Variants in PARD3B observed in about 807,000 individuals in gnomAD.
PARD3B encodes par-3 family cell polarity regulator beta, also known as partitioning defective 3 homolog B.
PARD3B carries 103 observed loss-of-function variants against 130.2 expected under a neutral mutation model. The ratio of observed to expected loss-of-function variants is 0.79; its 90% CI spans 0.67 to 0.93. PARD3B has a LOEUF of 0.93. PARD3B is among the 40% of genes least tolerant of loss of function. The pLI is 0.00. For synonymous variants in PARD3B, 583 were observed against 553.2 expected, an observed-to-expected ratio of 1.05 and a Z score of -0.76; for missense variants, 1,609 against 1,499.2, an observed-to-expected ratio of 1.07 and a Z score of -1.21.
chr2:205,127,762 A>G (rs998268569), intron 10 of PARD3B, among the ~76,000 whole-genome samples: 2 of 152,214 alleles, frequency 1.3e-5, no homozygotes, highest in African/African-American at 2.4e-5. Context: ...TCATGCAGAT[A>G]TAGTCCCCAT....
At chr2:205,389,234 C>T (rs1452231413) in intron 18 of PARD3B, among the ~76,000 whole-genome samples, 4 of 152,126 alleles carry the variant, frequency 2.6e-5, no homozygotes, top group Non-Finnish European at 5.9e-5. Context: ...TTAACTTTAA[C>T]ATCAAAATAT....
rs1055875420 is a variant in PARD3B at position 205,515,420 on chromosome 2, A to G, written c.3180+15389A>G. Among the ~76,000 whole-genome samples, 3 of 152,182 alleles carry G rather than the reference A, an allele frequency of 2.0e-5. No individual in the cohort carries two copies. In the East Asian group the frequency reaches 5.8e-4, roughly 29 times the overall value. The stretch of plus-strand genomic sequence containing the variant: ...TTTTAGCTTCTTGAGAAATCACCAT[A>G]CTGCTTTCCACAATGGTTGAACTAA... On this transcript the variant is annotated intron_variant, in intron 21 of 22. Coordinates refer to ENST00000406610, the MANE Select transcript of PARD3B (RefSeq NM_001302769.2).
At chr2:204,754,410 G>C (rs774373603) in intron 2 of PARD3B, among the ~76,000 whole-genome samples, 1 of 152,156 alleles carries the variant, frequency 6.6e-6, no homozygotes, top group South Asian at 2.1e-4. Context: ...TCTGAGCACT[G>C]TCTGTCAATA....
chr2:205,545,119 C>A (rs893242104), intron 21 of PARD3B, among the ~76,000 whole-genome samples: 1 of 152,200 alleles, frequency 6.6e-6, no homozygotes, highest in African/African-American at 2.4e-5. Flanking sequence ...TCTTTCGCCT[C>A]TCTGGATGGC....
chr2:205,434,324 A>T (rs960170121), intron 19 of PARD3B, among the ~76,000 whole-genome samples: 1 of 152,150 alleles, frequency 6.6e-6, no homozygotes, highest in Non-Finnish European at 1.5e-5. Flanking sequence ...GTCTCCCTTG[A>T]TAGTAAGTCA....
intron 2 of PARD3B, among the ~76,000 whole-genome samples, chr2:204,724,320 T>C (rs2039124540): frequency 2.6e-5 from 4 of 152,294 alleles, no homozygotes; most frequent in South Asian, 2.1e-4. Context: ...GCAAATAATA[T>C]AGTGTTTCAA....
chr2:205,054,436 ATTTTTTTT>A (rs769918623), intron 4 of PARD3B, among the ~76,000 whole-genome samples: 115 of 28,398 alleles, frequency 4.0e-3, no homozygotes, highest in South Asian at 0.016. Flanking sequence ...ATATATATAT[ATTTTTTTT>A]TTTTTTTTTT....
At chr2:204,721,124 A>C (rs1464227134) in intron 2 of PARD3B, among the ~76,000 whole-genome samples, 1 of 152,192 alleles carries the variant, frequency 6.6e-6, no homozygotes, top group Non-Finnish European at 1.5e-5. Context: ...TGTAAGCTGC[A>C]GGCAAGTATA....
intron 21 of PARD3B, among the ~76,000 whole-genome samples, chr2:205,538,414 G>T (rs768201463): frequency 1.3e-5 from 2 of 152,080 alleles, no homozygotes; most frequent in Non-Finnish European, 2.9e-5. Flanking sequence ...CCATGCTCAA[G>T]AATTAGACTT....
chr2:204,701,765 AG>A (rs775733461), intron 2 of PARD3B, among the ~76,000 whole-genome samples: 38 of 152,032 alleles, frequency 2.5e-4, no homozygotes, highest in Non-Finnish European at 4.9e-4. Flanking sequence ...TTTTAGCTTC[AG>A]GGGGTACATG....
chr2:205,111,026 A>G (rs1396176909), intron 5 of PARD3B, among the ~76,000 whole-genome samples: 1 of 152,130 alleles, frequency 6.6e-6, no homozygotes, highest in Non-Finnish European at 1.5e-5. Context: ...CTCTTTTTAA[A>G]TAAATAAAAA....
chr2:204,886,737 A>T (rs1254362082), intron 2 of PARD3B, among the ~76,000 whole-genome samples: 1 of 152,218 alleles, frequency 6.6e-6, no homozygotes, highest in African/African-American at 2.4e-5. Context: ...CCCCATAAAA[A>T]CGATTTGGTT....
Position 204,579,403 on chromosome 2 carries a change from G to A in PARD3B, c.120+33284G>A, listed in dbSNP as rs113327696. Among the ~76,000 whole-genome samples the A allele has an allele frequency of 9.0e-3, 1,365 of 152,112 alleles. 19 individuals carry two copies. Among genetic ancestry groups the A allele is most frequent in the African/African-American group, 0.032 (1,325 of 41,490 alleles). ...TCTTGGTGGTTCCCAGGGAGCGCGA[G>A]GAATGATGTCAGCAGAGCCGTGCTG... On this transcript the variant is annotated intron_variant, in intron 1 of 22. Transcript: ENST00000406610.
intron 10 of PARD3B, among the ~76,000 whole-genome samples, chr2:205,138,783 G>A (rs550476224): frequency 6.6e-6 from 1 of 152,324 alleles, no homozygotes; most frequent in South Asian, 2.1e-4. Flanking sequence ...ACTTCAGAAT[G>A]TCTGGGGAAC....
chr2:204,781,743 A>C (rs913027439), intron 2 of PARD3B, among the ~76,000 whole-genome samples: 1 of 152,170 alleles, frequency 6.6e-6, no homozygotes, highest in Non-Finnish European at 1.5e-5. Flanking sequence ...GTAGTAACCA[A>C]GTCCAGTAGG....
intron 1 of PARD3B, among the ~76,000 whole-genome samples, chr2:204,608,779 A>T (rs1285358424): frequency 6.6e-6 from 1 of 152,168 alleles, no homozygotes; most frequent in Non-Finnish European, 1.5e-5. Context: ...ATGCTTTTGC[A>T]GTGTGATGAT....
intron 13 of PARD3B, among the ~76,000 whole-genome samples, chr2:205,180,820 C>T (rs925169518): frequency 2.0e-5 from 3 of 151,894 alleles, no homozygotes; most frequent in East Asian, 1.9e-4. Flanking sequence ...CTAGCAATGC[C>T]GGTAGTGAAA....
chr2:204,701,217 G>A (rs2037876494), intron 2 of PARD3B, among the ~76,000 whole-genome samples: 3 of 151,846 alleles, frequency 2.0e-5, no homozygotes, highest in Admixed American at 6.6e-5. Context: ...CTTTTTCCTT[G>A]AACATTTTGC....
intron 21 of PARD3B, among the ~76,000 whole-genome samples, chr2:205,518,795 G>A (rs371951551): frequency 2.0e-5 from 3 of 152,028 alleles, no homozygotes; most frequent in South Asian, 2.1e-4. Flanking sequence ...TTCCCTCAAC[G>A]TTTGCTTATC....
Sources: allele counts gnomAD v4.1 joint callset (sites outside exome capture counted in the v4.1 genomes callset), GRCh38; gene constraint gnomAD v4.1.1; transcripts MANE v1.5; gene names NCBI Gene and HGNC (gene_info 2026-07-23, HGNC 2026-07-21).